ELP2: variants seen among roughly 807,000 people sequenced by gnomAD.
ELP2 encodes elongator complex protein 2.
A neutral mutation model predicts 119.2 loss-of-function variants in ELP2; 90 were observed. The observed-to-expected ratio is 0.75, with a 90% CI of 0.64 to 0.90. The LOEUF is 0.90. Ranked by LOEUF, ELP2 falls within the 40% of genes least tolerant of loss-of-function variation. The probability of loss-of-function intolerance (pLI) is 0.00; values close to 1 mark genes in which losing one functional copy is unlikely to be tolerated. For missense variants in ELP2, 921 were observed against 967.8 expected, an observed-to-expected ratio of 0.95 and a Z score of 0.64; for synonymous variants, 339 against 331.0, an observed-to-expected ratio of 1.02 and a Z score of -0.26.
chr18:36,144,915 A>G (rs894762975), intron 8 of ELP2, 24 bp from the exon 9 acceptor site: 1 of 1,568,840 alleles, frequency 6.4e-7, no homozygotes, highest in Non-Finnish European at 8.8e-7. Context: ...TGAGGAAATA[A>G]TACCTTCATT....
intron 2 of ELP2, among the ~76,000 whole-genome samples, chr18:36,135,479 C>G (rs1050515124): frequency 6.6e-6 from 1 of 152,168 alleles, no homozygotes; most frequent in Non-Finnish European, 1.5e-5. Context: ...GGACATGAAC[C>G]TGGGCCTTCT....
At position 36,159,508 on chromosome 18, in the gene ELP2, C is replaced by G. The variant is rs985331647; in HGVS notation, c.1535-227C>G. Among the ~76,000 whole-genome samples, 68 of 152,220 alleles carry G rather than the reference C, an allele frequency of 4.5e-4. 1 individual carries two copies. Among genetic ancestry groups the G allele is most frequent in the African/African-American group, 1.6e-3 (68 of 41,526 alleles). On this transcript the variant is annotated intron_variant, in intron 14 of 21. Transcript: ENST00000358232. Reference sequence around the variant, plus strand: ...TTTAAAAGTTTGGAGACTGTTAGATCAAAGAAAATGGAAAGAACCTTTATG... The same window carrying G: ...TTTAAAAGTTTGGAGACTGTTAGATGAAAGAAAATGGAAAGAACCTTTATG...
chr18:36,152,228 T>C (rs183417101), intron 11 of ELP2, among the ~76,000 whole-genome samples: 233 of 152,022 alleles, frequency 1.5e-3, no homozygotes, highest in Admixed American at 3.7e-3. Context: ...ATCTTTGTTT[T>C]AACACCATCA....
At chr18:36,132,187 C>T (rs988952801) in intron 1 of ELP2, among the ~76,000 whole-genome samples, 2 of 152,024 alleles carry the variant, frequency 1.3e-5, no homozygotes, top group Admixed American at 6.6e-5. Context: ...CACCTGGCCT[C>T]GATTGGGCTT....
intron 3 of ELP2, among the ~76,000 whole-genome samples, chr18:36,137,803 C>CAAAAAAAA (rs57722627): frequency 9.6e-6 from 1 of 103,682 alleles, no homozygotes; most frequent in African/African-American, 3.5e-5. Context: ...ATATTATCAC[C>CAAAAAAAA]AAAAAAAAAA....
At chr18:36,132,757 A>G (rs2089679745) in intron 1 of ELP2, among the ~76,000 whole-genome samples, 1 of 151,864 alleles carries the variant, frequency 6.6e-6, no homozygotes, top group Non-Finnish European at 1.5e-5. Flanking sequence ...CTCATTGGCC[A>G]TTGGCATGCA....
intron 5 of ELP2, chr18:36,139,316 G>GAAA: frequency 8.5e-7 from 1 of 1,171,442 alleles, no homozygotes; most frequent in Non-Finnish European, 1.2e-6. Flanking sequence ...TCTGCAAACA[G>GAAA]AAAAATTTCC....
chr18:36,148,566 C>A (rs1226615838), intron 11 of ELP2, among the ~76,000 whole-genome samples: 1 of 152,098 alleles, frequency 6.6e-6, no homozygotes, highest in African/African-American at 2.4e-5. Context: ...TCCTTTACAT[C>A]AAAAAATATA....
In ELP2 at chr18:36,138,356, A is replaced by G; in HGVS notation, c.375A>G (p.Ala125=). ...AVYQRRTSDP[A]LCTLIVSAAA... ...ACCAGAGGAGGACATCAGATCCTGC[A>G]TTATGTACACTGATCGTTTCTGCAG... Residue 125 remains alanine (A), a synonymous_variant, in exon 4 of 22, where the codon GCA becomes GCG. Transcript: ENST00000358232. 1 of 1,614,118 alleles carries G rather than the reference A, an allele frequency of 6.2e-7. No individual in the cohort carries two copies. Among genetic ancestry groups the G allele is most frequent in the Non-Finnish European group, 8.5e-7 (1 of 1,179,978 alleles).
rs1427184061 is a variant in ELP2 at position 36,178,871 on chromosome 18, C to T, written c.*4230C>T. The T allele has an allele frequency of 6.6e-6, 1 of 152,006 alleles. No homozygotes were observed. Among genetic ancestry groups the T allele is most frequent in the Non-Finnish European group, 1.5e-5 (1 of 68,020 alleles). 9.4% of individuals were successfully genotyped at this position (152,006 alleles called of 1,614,324 possible). On this transcript the variant is annotated 3_prime_UTR_variant, in exon 22 of 22. Coordinates refer to ENST00000358232, the MANE Select transcript of ELP2 (RefSeq NM_018255.4). ...TGTGTGGATTATTAATGAAGCTGGG[C>T]AGTGTTGGGGTGGTCATACTATTCT...
At chr18:36,147,427 G>T (rs765277486) in intron 11 of ELP2, among the ~76,000 whole-genome samples, 38 of 151,562 alleles carry the variant, frequency 2.5e-4, no homozygotes, top group Non-Finnish European at 3.7e-4. Flanking sequence ...TTGTTTGTTT[G>T]TTTTGAGACC....
intron 2 of ELP2, among the ~76,000 whole-genome samples, chr18:36,133,897 G>GTGT (rs2089728497): frequency 1.6e-5 from 1 of 60,756 alleles, no homozygotes; most frequent in African/African-American, 7.3e-5. Flanking sequence ...TTTTTTAGGG[G>GTGT]TTTTTTTTTT....
At position 36,142,279 on chromosome 18, in the gene ELP2, A is replaced by G. The variant is rs966130623; in HGVS notation, c.589-2A>G. The G allele has an allele frequency of 8.1e-6, 13 of 1,612,710 alleles. No individual in the cohort carries two copies. Among genetic ancestry groups the G allele is most frequent in the Admixed American group, 3.3e-5 (2 of 59,998 alleles). On this transcript the variant is annotated splice_acceptor_variant, in intron 6 of 21. Coordinates refer to ENST00000358232, the MANE Select transcript of ELP2 (RefSeq NM_018255.4). LOFTEE classifies it high-confidence loss of function. ...CAAGCCCAATGATTTTTATCTTACT[A>G]GTTTCAGAAAGTGCTTTCTCTCTGT...
intron 17 of ELP2, among the ~76,000 whole-genome samples, chr18:36,163,949 C>A (rs1430738756): frequency 6.6e-6 from 1 of 152,066 alleles, no homozygotes; most frequent in Non-Finnish European, 1.5e-5. Flanking sequence ...TGCAAAAATA[C>A]CTGCAGGAAT....
At chr18:36,134,604 A>G (rs773199036) in intron 2 of ELP2, among the ~76,000 whole-genome samples, 8 of 152,186 alleles carry the variant, frequency 5.3e-5, no homozygotes, top group Non-Finnish European at 8.8e-5. Context: ...AATGTGGTTA[A>G]TATTGGTACA....
intron 11 of ELP2, among the ~76,000 whole-genome samples, chr18:36,151,091 T>C (rs1180971730): frequency 6.6e-6 from 1 of 150,698 alleles, no homozygotes; most frequent in Non-Finnish European, 1.5e-5. Flanking sequence ...TTTTTTTTTT[T>C]TCTCTTTTTT....
At chr18:36,144,592 A>C (rs1264869788) in intron 8 of ELP2, among the ~76,000 whole-genome samples, 1 of 152,194 alleles carries the variant, frequency 6.6e-6, no homozygotes, top group Non-Finnish European at 1.5e-5. Flanking sequence ...ATATTCTTAT[A>C]ATGAGTGAGG....
intron 5 of ELP2, chr18:36,139,755 C>T: frequency 2.0e-6 from 1 of 500,542 alleles, no homozygotes; most frequent in Non-Finnish European, 3.3e-6. Context: ...TCAGGGCTGC[C>T]CTTTGGTAAT....
intron 11 of ELP2, among the ~76,000 whole-genome samples, chr18:36,148,758 C>T (rs995856410): frequency 2.0e-5 from 3 of 152,056 alleles, no homozygotes; most frequent in South Asian, 2.1e-4. Context: ...CGCCTGTGGT[C>T]GCAGCTACTT....
Sources: gnomAD v4.1 joint callset for allele counts (sites outside exome capture counted in the v4.1 genomes callset) on GRCh38, gnomAD v4.1.1 for gene constraint, MANE v1.5 for transcripts, NCBI Gene and HGNC (gene_info 2026-07-23, HGNC 2026-07-21) for gene names.